The following PDGFRB variants were observed in gnomAD, a reference collection of about 807,000 sequenced individuals.
PDGFRB encodes the protein platelet derived growth factor receptor beta.
In PDGFRB, 42 loss-of-function variants were observed where a neutral mutation model predicts 120.2. That is an observed-to-expected ratio of 0.35 (90% CI 0.27 to 0.45). The LOEUF (loss-of-function observed/expected upper bound fraction) is 0.45, where lower values mean the gene tolerates loss of function less well. PDGFRB is among the 20% of genes least tolerant of loss of function. PDGFRB has a pLI of 1.00. For synonymous variants in PDGFRB, 586 were observed against 606.8 expected (o/e 0.97, Z 0.50); for missense variants, 1,149 against 1,476.3 (o/e 0.78, Z 3.63).
At chr5:150,150,355 C>T (rs1761040834) in intron 1 of PDGFRB, among the ~76,000 whole-genome samples, 1 of 152,178 alleles carries the variant, frequency 6.6e-6, no homozygotes, top group African/African-American at 2.4e-5. Context: ...AGGTGACCCC[C>T]AAAAGTCCTT....
Position 150,120,023 on chromosome 5 carries a change from A to ATC in PDGFRB, c.2685_2686dup (p.Ile896ArgfsTer15). 1 of 1,555,818 alleles carries ATC rather than the reference A, an allele frequency of 6.4e-7. No homozygotes were observed. The highest frequency in any genetic ancestry group is 1.4e-5 in the African/African-American group (1 of 73,828). ...GGAAGCAAGCATACCCAAGGTGAAG[A>ATC]TCTCCCAGAGCAGGATCCCGAAGGA... On this transcript the variant is annotated frameshift_variant, in exon 19 of 23. Transcript: ENST00000261799. LOFTEE classifies it high-confidence loss of function. This position sits in a 1 kb window ranked among gnomAD's most constrained non-coding sequence, Gnocchi z 4.3.
At chr5:150,149,199 A>G (rs1210923146) in intron 1 of PDGFRB, among the ~76,000 whole-genome samples, 1 of 152,160 alleles carries the variant, frequency 6.6e-6, no homozygotes, top group African/African-American at 2.4e-5. Context: ...GCTGGCATTT[A>G]GTGGGAGGCT....
chr5:150,120,880 G>T lies in PDGFRB; in HGVS notation c.2586+8C>A. The T allele has an allele frequency of 2.5e-6, 4 of 1,613,740 alleles. No homozygotes were observed. Among genetic ancestry groups the T allele is most frequent in the Non-Finnish European group, 3.4e-6 (4 of 1,179,678 alleles). On this transcript the variant is annotated splice_region_variant and intron_variant, in intron 18 of 22. Coordinates refer to ENST00000261799, the MANE Select transcript of PDGFRB (RefSeq NM_002609.4). The surrounding 1 kb of genome is among the most constrained non-coding windows in gnomAD (Gnocchi z 4.3). ...GACTGCCCTGCAGGGGCCAGGGAAG[G>T]TACTCACGCTGCCTTTGGAGATGTA...
intron 13 of PDGFRB, 48 bp downstream of exon 13, chr5:150,124,679 C>G (rs56298464): frequency 2.7e-5 from 24 of 880,382 alleles, no homozygotes; most frequent in Non-Finnish European, 4.1e-5. Context: ...TGGGGAGGGG[C>G]AGGGAGAGGT....
At chr5:150,117,281 G>C (rs1053842805) in intron 22 of PDGFRB, among the ~76,000 whole-genome samples, 5 of 152,132 alleles carry the variant, frequency 3.3e-5, no homozygotes, top group African/African-American at 1.2e-4. Flanking sequence ...GGGATGCTAA[G>C]TAGGTTTGCT....
intron 22 of PDGFRB, among the ~76,000 whole-genome samples, chr5:150,116,188 T>C (rs978458824): frequency 6.6e-6 from 1 of 152,172 alleles, no homozygotes; most frequent in African/African-American, 2.4e-5. Context: ...CGGAGCAGGG[T>C]CAGCTGGCTC....
At chr5:150,140,947 C>A (rs1057472139) in intron 1 of PDGFRB, among the ~76,000 whole-genome samples, 1 of 152,190 alleles carries the variant, frequency 6.6e-6, no homozygotes, top group African/African-American at 2.4e-5. Flanking sequence ...AGCTTCCCTC[C>A]CTCAGGGTCC....
In PDGFRB at chr5:150,132,961, A is replaced by T. The variant is rs1245516449; in HGVS notation, c.935-19T>A. On this transcript the variant is annotated intron_variant, in intron 6 of 22. Coordinates refer to ENST00000261799, the MANE Select transcript of PDGFRB (RefSeq NM_002609.4). This position sits in a 1 kb window ranked among gnomAD's most constrained non-coding sequence, Gnocchi z 5.0. ...CCGCTCTCTGCAAGGGGTGACCGTC[A>T]GGGGCGGGGCCCTGGGGGCAGGGCA... 2 of 1,533,768 alleles carry T rather than the reference A, an allele frequency of 1.3e-6. No individual in the cohort carries two copies. Among genetic ancestry groups the T allele is most frequent in the Non-Finnish European group, 1.8e-6 (2 of 1,134,460 alleles).
At chr5:150,130,508 C>T (rs778085015) in intron 9 of PDGFRB, 31 bp downstream of exon 9, 11 of 1,605,542 alleles carry the variant, frequency 6.9e-6, no homozygotes, top group Non-Finnish European at 9.4e-6. Flanking sequence ...CAGCTGGGGA[C>T]ACTGGGAGAC....
At chr5:150,153,738 T>C (rs1761144953) in intron 1 of PDGFRB, 1 of 152,074 alleles carries the variant, frequency 6.6e-6, no homozygotes, top group East Asian at 1.9e-4. Context: ...GAGGCCTCTG[T>C]GCAATTGGGA....
intron 1 of PDGFRB, among the ~76,000 whole-genome samples, chr5:150,152,149 C>T (rs1446510891): frequency 6.6e-6 from 1 of 151,950 alleles, no homozygotes; most frequent in Non-Finnish European, 1.5e-5. Flanking sequence ...TCGGGTGATC[C>T]ACCCGCCTCG....
In PDGFRB at chr5:150,126,525, G is replaced by A; in HGVS notation, c.1669C>T (p.Gln557Ter). The change falls in exon 11 of 23, where the codon CAG (glutamine) becomes TAG (stop). Residue 557 changes from glutamine to a stop codon, truncating the protein, a stop_gained. Coordinates refer to ENST00000261799, the MANE Select transcript of PDGFRB (RefSeq NM_002609.4). LOFTEE classifies it high-confidence loss of function. ...TGGGCCAGGGAGGGGCTTACCTTCTGCCAAAGCATGATGAGGATGATAAGG... is the reference window on the plus strand; with the variant it reads ...TGGGCCAGGGAGGGGCTTACCTTCTACCAAAGCATGATGAGGATGATAAGG... ...ISLIILIMLW[Q>*]KKPRYEIRWK... The A allele has an allele frequency of 6.3e-7, 1 of 1,582,056 alleles. No homozygotes were observed. Among genetic ancestry groups the A allele is most frequent in the Non-Finnish European group, 8.7e-7 (1 of 1,150,826 alleles).
At chr5:150,153,516 G>C (rs1198024158) in intron 1 of PDGFRB, 3 of 152,230 alleles carry the variant, frequency 2.0e-5, no homozygotes, top group Non-Finnish European at 4.4e-5. Context: ...AAGTCACTTA[G>C]CCTCTCCAGA....
intron 14 of PDGFRB, 197 bp downstream of exon 14, chr5:150,124,053 C>G (rs1428799607): frequency 2.4e-6 from 1 of 423,674 alleles, no homozygotes; most frequent in Non-Finnish European, 4.2e-6. Context: ...AATCCTTCAG[C>G]CTTGAAGGTG....
Position 150,121,875 on chromosome 5 carries a change from C to T in PDGFRB, c.2344+5G>A, listed in dbSNP as rs756746701. Reference sequence around the variant, plus strand: ...GTGGGGTACTATGTCACTATGTCCACCCACCAGAGGGAACGTAGTTATCGT... The same window carrying T: ...GTGGGGTACTATGTCACTATGTCCATCCACCAGAGGGAACGTAGTTATCGT... On this transcript the variant is annotated splice_donor_5th_base_variant and intron_variant, in intron 16 of 22. Coordinates refer to ENST00000261799, the MANE Select transcript of PDGFRB (RefSeq NM_002609.4). This position sits in a 1 kb window ranked among gnomAD's most constrained non-coding sequence, Gnocchi z 4.1. 1 of 1,608,910 alleles carries T rather than the reference C, an allele frequency of 6.2e-7. No individual in the cohort carries two copies. The highest frequency in any genetic ancestry group is 8.5e-7 in the Non-Finnish European group (1 of 1,175,426).
chr5:150,148,458 C>T (rs1562029260), intron 1 of PDGFRB, among the ~76,000 whole-genome samples: 1 of 152,360 alleles, frequency 6.6e-6, no homozygotes, highest in East Asian at 1.9e-4. Flanking sequence ...GTGACTCTTT[C>T]CTTCCAGGGA....
Position 150,120,821 on chromosome 5 carries a change from G to A in PDGFRB, c.2586+67C>T. The A allele has an allele frequency of 2.0e-6, 3 of 1,489,236 alleles. No individual in the cohort carries two copies. In the South Asian group the frequency reaches 3.4e-5, roughly 17 times the overall value. 92.3% of individuals were successfully genotyped at this position (1,489,236 alleles called of 1,614,324 possible). A position where few individuals can be genotyped will look rare whatever the true frequency, so the allele number is the denominator to read the frequency against. On this transcript the variant is annotated intron_variant, in intron 18 of 22. Coordinates refer to ENST00000261799, the MANE Select transcript of PDGFRB (RefSeq NM_002609.4). This position sits in a 1 kb window ranked among gnomAD's most constrained non-coding sequence, Gnocchi z 4.3. ...CTATGAGCTGCAGCCACACTGGTCAGGAGGGAATCTGTTCCTGCGGTCACA... is the reference window on the plus strand; with the variant it reads ...CTATGAGCTGCAGCCACACTGGTCAAGAGGGAATCTGTTCCTGCGGTCACA...
rs1321037719 is a variant in PDGFRB at position 150,118,779 on chromosome 5, G to C, written c.2872C>G (p.Leu958Val). The C allele has an allele frequency of 1.2e-6, 2 of 1,613,132 alleles. No homozygotes were observed. The highest frequency in any genetic ancestry group is 3.3e-5 in the Admixed American group (2 of 60,010). ...RPPFSQLVLL[L>V]ERLLGEGYKK... is the part of the protein sequence containing the mutation. Reference sequence around the variant, plus strand: ...TAACCTTCGCCCAACAGTCTCTCGAGAAGCAGCACCAGCTGGGAGAAGGGG... The same window carrying C: ...TAACCTTCGCCCAACAGTCTCTCGACAAGCAGCACCAGCTGGGAGAAGGGG... The change falls in exon 21 of 23, where the codon CTC becomes GTC. Residue 958 changes from leucine to valine, a missense_variant. Coordinates refer to ENST00000261799, the MANE Select transcript of PDGFRB (RefSeq NM_002609.4).
At chr5:150,130,404 G>A (rs992894403) in intron 9 of PDGFRB, 135 bp downstream of exon 9, 1 of 802,932 alleles carries the variant, frequency 1.2e-6, no homozygotes, top group Non-Finnish European at 2.0e-6. Context: ...CCAAGGAGGT[G>A]GTGACCTGGC....
Sources: gnomAD v4.1 joint callset for allele counts (sites outside exome capture counted in the v4.1 genomes callset) on GRCh38, gnomAD v4.1.1 for gene constraint, Gnocchi (gnomAD v3.1) non-coding constraint, MANE v1.5 for transcripts, NCBI Gene and HGNC (gene_info 2026-07-23, HGNC 2026-07-21) for gene names.